Variants in ANKRD18B observed in about 807,000 individuals in gnomAD.
ANKRD18B encodes ankyrin repeat domain 18B, also known as ankyrin repeat domain-containing protein 18B.
In ANKRD18B, 75 loss-of-function variants were observed where a neutral mutation model predicts 111.8. That is an observed-to-expected ratio of 0.67 (90% CI 0.56 to 0.81). ANKRD18B has a LOEUF of 0.81. Among genes scored for constraint, ANKRD18B ranks in the 40% least tolerant of loss-of-function variants. ANKRD18B has a pLI of 0.00. For synonymous variants in ANKRD18B, 356 were observed against 417.3 expected (o/e 0.85, Z 1.79); for missense variants, 1,038 against 1,225.5 (o/e 0.85, Z 2.28).
chr9:33,524,368 T>C lies in ANKRD18B; in HGVS notation c.-122T>C, dbSNP rs62542572. 190,768 of 1,310,040 alleles carry C rather than the reference T, an allele frequency of 0.15. 15,036 individuals are homozygous for C. The highest frequency in any genetic ancestry group is 0.22 in the East Asian group (8,293 of 37,228). The allele number at this position is 1,310,040 out of a possible 1,614,324, so 81.2% of individuals were successfully genotyped here. ...CGCGGGTTTGGGGGTGCATCTTGGA[T>C]TTAGGGGTGGATCGCTGGGTGGGGA... On this transcript the variant is annotated 5_prime_UTR_variant, in exon 1 of 19. Transcript: ENST00000684830.
At chr9:33,529,230 G>A (rs867041790) in intron 3 of ANKRD18B, 57 bp downstream of exon 3, 1 of 1,509,530 alleles carries the variant, frequency 6.6e-7, no homozygotes, top group Non-Finnish European at 8.8e-7. Context: ...ACATAGGTAA[G>A]AGTCAATTTT....
rs568486939 is a variant in ANKRD18B at position 33,551,283 on chromosome 9, T to C, written c.2217+704T>C. 5.2e-3 allele frequency among the ~76,000 whole-genome samples: 795 copies of C among 152,346 alleles called. 5 individuals carry two copies. Among genetic ancestry groups the C allele is most frequent in the Admixed American group, 7.8e-3 (120 of 15,290 alleles). On this transcript the variant is annotated intron_variant, in intron 12 of 18. Transcript: ENST00000684830. ...TCAGACAGTTCAACCATTTAAAATG[T>C]ACAACTCAGTGTCTGTTAGTATATT...
rs1216637227 is a variant in ANKRD18B, at chr9:33,554,864, A to G, written c.2218-844A>G. ...CAGGCTTACAGTTACAGTGGTGTGA[A>G]AGCACGGATACAGAGGCAGAACAAT... is the stretch of plus-strand genomic sequence containing the variant. On this transcript the variant is annotated intron_variant, in intron 12 of 18. Coordinates refer to ENST00000684830, the MANE Select transcript of ANKRD18B (RefSeq NM_001393611.1). Among the ~76,000 whole-genome samples the G allele has an allele frequency of 1.3e-5, 2 of 152,126 alleles. 1 individual carries two copies. Among genetic ancestry groups the G allele is most frequent in the African/African-American group, 4.8e-5 (2 of 41,442 alleles).
intron 7 of ANKRD18B, among the ~76,000 whole-genome samples, chr9:33,539,713 A>T (rs543093121): frequency 6.6e-6 from 1 of 152,328 alleles, no homozygotes; most frequent in South Asian, 2.1e-4. Flanking sequence ...GACTTCTAAT[A>T]GTATAGAAAT....
At chr9:33,539,264 T>G (rs1828244780) in intron 6 of ANKRD18B, among the ~76,000 whole-genome samples, 185 bp from the exon 7 acceptor site, 1 of 152,224 alleles carries the variant, frequency 6.6e-6, no homozygotes, top group Non-Finnish European at 1.5e-5. Flanking sequence ...AGTTATTATT[T>G]ATTACATATG....
At chr9:33,544,410 GAA>G in intron 10 of ANKRD18B, among the ~76,000 whole-genome samples, 1 of 152,150 alleles carries the variant, frequency 6.6e-6, no homozygotes, top group African/African-American at 2.4e-5. Flanking sequence ...CACCCTGTCA[GAA>G]AAGACATCTG....
In ANKRD18B at chr9:33,524,679, C is replaced by A; in HGVS notation, c.190C>A (p.Arg64Ser). The part of the protein sequence containing the change: ...LTRRFRDLDV[R>S]DRKDRTVLHL... ...GCGCAGGTTCCGGGACTTGGACGTCCGCGACAGAAAAGACAGGTAGCGGGG... is the reference window on the plus strand; with the variant it reads ...GCGCAGGTTCCGGGACTTGGACGTCAGCGACAGAAAAGACAGGTAGCGGGG... The change falls in exon 1 of 19, where the codon CGC becomes AGC. Residue 64 changes from arginine to serine, a missense_variant. Around this residue, in one of 4 missense-constraint regions of ANKRD18B, gnomAD observed 216 missense variants for 205.1 expected, o/e 1.05. Coordinates refer to ENST00000684830, the MANE Select transcript of ANKRD18B (RefSeq NM_001393611.1). 6.5e-7 allele frequency: 1 copy of A among 1,550,088 alleles called. No homozygotes were observed. Among genetic ancestry groups the A allele is most frequent in the Non-Finnish European group, 8.7e-7 (1 of 1,146,458 alleles).
intron 14 of ANKRD18B, among the ~76,000 whole-genome samples, chr9:33,562,140 A>C (rs976600437): frequency 6.6e-6 from 1 of 151,788 alleles, no homozygotes; most frequent in Non-Finnish European, 1.5e-5. Flanking sequence ...GCCTCCCTCT[A>C]TGGTTTCATT....
chr9:33,556,270 TA>T (rs1358538744), intron 13 of ANKRD18B, among the ~76,000 whole-genome samples: 1 of 152,144 alleles, frequency 6.6e-6, no homozygotes, highest in Non-Finnish European at 1.5e-5. Flanking sequence ...TTCATTTATT[TA>T]TTTATCTTTT....
intron 6 of ANKRD18B, among the ~76,000 whole-genome samples, chr9:33,537,315 T>G (rs1463408676): frequency 6.6e-6 from 1 of 151,732 alleles, no homozygotes; most frequent in Non-Finnish European, 1.5e-5. Flanking sequence ...ACAAAAAGAG[T>G]AAGATTACAT....
Position 33,541,338 on chromosome 9 carries a change from A to G in ANKRD18B, c.1078+111A>G, listed in dbSNP as rs1049058214. On this transcript the variant is annotated intron_variant, in intron 9 of 18. Transcript: ENST00000684830. The stretch of plus-strand genomic sequence containing the variant: ...TCCTTGTCACAAATCCATGGAGTAC[A>G]TCAGTCTATTACAAGGTTTTCACCC... The G allele has an allele frequency of 2.1e-6, 3 of 1,410,838 alleles. No individual in the cohort carries two copies. In the East Asian group the frequency reaches 7.5e-5, roughly 35 times the overall value. 87.4% of individuals were successfully genotyped at this position (1,410,838 alleles called of 1,614,324 possible).
intron 15 of ANKRD18B, 83 bp downstream of exon 15, chr9:33,566,583 T>C (rs1828688904): frequency 6.7e-7 from 1 of 1,484,626 alleles, no homozygotes; most frequent in South Asian, 1.3e-5. Context: ...TGTGTATATA[T>C]TGTGTTTCCT....
chr9:33,568,419 C>T (rs1307119309), intron 16 of ANKRD18B, among the ~76,000 whole-genome samples: 1 of 152,166 alleles, frequency 6.6e-6, no homozygotes, highest in Non-Finnish European at 1.5e-5. Context: ...TCACTGATAG[C>T]CATTTCTCTT....
At chr9:33,532,373 AT>A (rs368281327) in intron 3 of ANKRD18B, among the ~76,000 whole-genome samples, 8 of 152,230 alleles carry the variant, frequency 5.3e-5, no homozygotes, top group East Asian at 3.9e-4. Context: ...AAGTAAAAAA[AT>A]AATGTTAAAT....
Position 33,550,538 on chromosome 9 carries a change from A to G in ANKRD18B, c.2176A>G (p.Thr726Ala), listed in dbSNP as rs1286440764. ...ACATTGTCATATTAATTTGGATGAG[A>G]CATGGACTTCAAAGAAGAAATTATT... ...TSHCHINLDE[T>A]WTSKKKLFQV... The change falls in exon 12 of 19, where the codon ACA becomes GCA. Residue 726 changes from threonine to alanine, a missense_variant. Thr to Ala is a moderately conservative substitution (Grantham distance 58, BLOSUM62 0). Transcript: ENST00000684830. The G allele has an allele frequency of 6.5e-6, 10 of 1,541,280 alleles. No individual in the cohort carries two copies. Among genetic ancestry groups the G allele is most frequent in the Non-Finnish European group, 8.7e-6 (10 of 1,143,524 alleles).
At chr9:33,530,740 A>C (rs1272258112) in intron 3 of ANKRD18B, among the ~76,000 whole-genome samples, 2 of 152,200 alleles carry the variant, frequency 1.3e-5, no homozygotes, top group Non-Finnish European at 2.9e-5. Context: ...GTGACTGGGA[A>C]GTGAAAGGAA....
chr9:33,531,237 T>C (rs543131676), intron 3 of ANKRD18B, among the ~76,000 whole-genome samples: 6 of 152,166 alleles, frequency 3.9e-5, no homozygotes, highest in African/African-American at 7.2e-5. Flanking sequence ...TTGAGGTGGG[T>C]ATTATGAGTG....
chr9:33,544,704 G>A (rs1228104068), intron 10 of ANKRD18B, among the ~76,000 whole-genome samples: 1 of 152,126 alleles, frequency 6.6e-6, no homozygotes, highest in East Asian at 1.9e-4. Flanking sequence ...GGGTGTGGTG[G>A]TGCATGCCTG....
At chr9:33,561,872 T>G (rs1185126945) in intron 14 of ANKRD18B, among the ~76,000 whole-genome samples, 2 of 152,260 alleles carry the variant, frequency 1.3e-5, no homozygotes, top group African/African-American at 4.8e-5. Flanking sequence ...TGTCTATTCT[T>G]AGTTTATGTC....
Sources: gnomAD v4.1 joint callset for allele counts (sites outside exome capture counted in the v4.1 genomes callset) on GRCh38, gnomAD v4.1.1 for gene constraint, gnomAD v4.1.1 regional missense constraint, MANE v1.5 for transcripts, NCBI Gene and HGNC (gene_info 2026-07-23, HGNC 2026-07-21) for gene names.